OPCML: variants seen among roughly 807,000 people sequenced by gnomAD.
OPCML encodes opioid binding protein/cell adhesion molecule like.
OPCML carries 13 observed loss-of-function variants against 37.8 expected under a neutral mutation model. The ratio of observed to expected loss-of-function variants is 0.34; its 90% CI spans 0.22 to 0.55. The LOEUF is 0.55. Among genes scored for constraint, OPCML ranks in the 20% least tolerant of loss-of-function variants. OPCML has a pLI of 0.91. For synonymous variants in OPCML, 176 were observed against 168.8 expected (o/e 1.04, Z -0.33); for missense variants, 341 against 435.6 (o/e 0.78, Z 1.93).
chr11:133,322,301 T>A (rs562968824), intron 1 of OPCML, among the ~76,000 whole-genome samples: 1 of 152,334 alleles, frequency 6.6e-6, no homozygotes, highest in East Asian at 1.9e-4. Flanking sequence ...GACCTCAGTG[T>A]GAGATTAAAA....
intron 3 of OPCML, among the ~76,000 whole-genome samples, chr11:132,572,836 T>G (rs1268919338): frequency 6.6e-6 from 1 of 152,046 alleles, no homozygotes; most frequent in African/African-American, 2.4e-5. Context: ...TAGATTATTT[T>G]GGGTAGTATG....
intron 2 of OPCML, among the ~76,000 whole-genome samples, 186 bp downstream of exon 2, chr11:132,942,740 G>C (rs963309088): frequency 4.6e-5 from 7 of 152,206 alleles, no homozygotes; most frequent in African/African-American, 1.4e-4. Flanking sequence ...AGCATAGCCG[G>C]AGCACAGGAC....
chr11:132,430,028 C>T (rs1408727302), intron 7 of OPCML, among the ~76,000 whole-genome samples: 1 of 152,084 alleles, frequency 6.6e-6, no homozygotes, highest in Non-Finnish European at 1.5e-5. Context: ...GGCTCTGGCA[C>T]TGAGACGAGG....
chr11:132,854,097 C>T (rs1941940108), intron 2 of OPCML, among the ~76,000 whole-genome samples: 1 of 152,208 alleles, frequency 6.6e-6, no homozygotes, highest in African/African-American at 2.4e-5. Flanking sequence ...TAGGGAATTA[C>T]CACAATCCCC....
At chr11:132,476,655 A>C (rs923087048) in intron 4 of OPCML, among the ~76,000 whole-genome samples, 2 of 152,138 alleles carry the variant, frequency 1.3e-5, no homozygotes, top group Non-Finnish European at 2.9e-5. Flanking sequence ...ACTCATGGAC[A>C]CAGGAATGAG....
intron 1 of OPCML, among the ~76,000 whole-genome samples, chr11:133,287,539 G>GAAA (rs35418402): frequency 2.6e-5 from 3 of 115,078 alleles, no homozygotes; most frequent in African/African-American, 9.1e-5. Flanking sequence ...GGAATGTTCA[G>GAAA]AAAAAAAAAA....
At position 133,458,311 on chromosome 11, in the gene OPCML, T is replaced by A. The variant is rs1198404034; in HGVS notation, c.61+73953A>T. On this transcript the variant is annotated intron_variant, in intron 1 of 7. Coordinates refer to ENST00000524381, the MANE Select transcript of OPCML (RefSeq NM_001012393.5). ...ACACGTGTGTGTATATATATACACA[T>A]ATATACACGTGTGTGTATATATATA... 4.6e-4 allele frequency among the ~76,000 whole-genome samples: 16 copies of A among 35,138 alleles called. No homozygotes were observed. The African/African-American group carries it at 6.7e-3, about 15-fold the overall frequency. 23.1% of individuals were successfully genotyped at this position (35,138 alleles called of 152,430 possible).
intron 1 of OPCML, among the ~76,000 whole-genome samples, chr11:133,130,211 T>A: frequency 6.7e-6 from 1 of 149,268 alleles, no homozygotes; most frequent in African/African-American, 2.5e-5. Flanking sequence ...AAGAAGAAAA[T>A]ACTGAACTCA....
chr11:133,035,869 G>A (rs757661508), intron 1 of OPCML, among the ~76,000 whole-genome samples: 3 of 152,070 alleles, frequency 2.0e-5, no homozygotes, highest in Admixed American at 6.5e-5. Context: ...CACCATGGGC[G>A]CAGCGGCACA....
At chr11:132,639,740 C>G (rs1216814890) in intron 3 of OPCML, among the ~76,000 whole-genome samples, 1 of 152,122 alleles carries the variant, frequency 6.6e-6, no homozygotes, top group Non-Finnish European at 1.5e-5. Flanking sequence ...GATTAAGGAG[C>G]TGGTAAAAGA....
chr11:132,453,727 A>G (rs1006856255), intron 4 of OPCML, among the ~76,000 whole-genome samples: 3 of 152,234 alleles, frequency 2.0e-5, no homozygotes, highest in African/African-American at 7.2e-5. Flanking sequence ...ACAAAGAAAC[A>G]TAGCTCTGGC....
At chr11:132,554,895 T>C (rs2096391431) in intron 3 of OPCML, among the ~76,000 whole-genome samples, 1 of 130,110 alleles carries the variant, frequency 7.7e-6, no homozygotes, top group Non-Finnish European at 1.6e-5. Flanking sequence ...TTTTTTTCAT[T>C]AGCTCTATGG....
intron 1 of OPCML, chr11:133,003,922 G>A: frequency 1.0e-6 from 1 of 985,418 alleles, no homozygotes; most frequent in Non-Finnish European, 1.2e-6. Context: ...TGGGGCTTCT[G>A]GTCACACAGG....
At chr11:133,005,495 C>T in intron 1 of OPCML, 3 of 985,406 alleles carry the variant, frequency 3.0e-6, no homozygotes, top group Non-Finnish European at 3.6e-6. Flanking sequence ...TAGGGCAGGT[C>T]ATATTTGGTA....
chr11:132,823,371 C>T (rs1280192367), intron 2 of OPCML, among the ~76,000 whole-genome samples: 2 of 152,158 alleles, frequency 1.3e-5, no homozygotes, highest in Non-Finnish European at 2.9e-5. Flanking sequence ...TCCTCACACC[C>T]CTTCCTCCCA....
intron 4 of OPCML, among the ~76,000 whole-genome samples, chr11:132,494,465 G>A: frequency 6.6e-6 from 1 of 152,114 alleles, no homozygotes; most frequent in Non-Finnish European, 1.5e-5. Context: ...AAGAAAAACA[G>A]GGATTTCTTC....
intron 2 of OPCML, among the ~76,000 whole-genome samples, chr11:132,827,713 C>T (rs148312867): frequency 0.016 from 2,464 of 152,246 alleles, 28 homozygotes; most frequent in Middle Eastern, 0.037. Flanking sequence ...GATCTCAGAT[C>T]ACTGCAACCT....
At chr11:132,917,685 C>T (rs1241613774) in intron 2 of OPCML, among the ~76,000 whole-genome samples, 3 of 152,200 alleles carry the variant, frequency 2.0e-5, no homozygotes, top group Non-Finnish European at 4.4e-5. Flanking sequence ...CAAGGTCACC[C>T]TTCCCTGGTG....
At position 133,208,928 on chromosome 11, in the gene OPCML, G is replaced by T. The variant is rs577426367; in HGVS notation, c.62-265918C>A. Among the ~76,000 whole-genome samples the T allele has an allele frequency of 6.6e-6, 1 of 152,160 alleles. No homozygotes were observed. The highest frequency in any genetic ancestry group is 6.5e-5 in the Admixed American group (1 of 15,276). On this transcript the variant is annotated intron_variant, in intron 1 of 7. Coordinates refer to ENST00000524381, the MANE Select transcript of OPCML (RefSeq NM_001012393.5). The surrounding 1 kb of genome is among the most constrained non-coding windows in gnomAD (Gnocchi z 8.9). ...TAAGAACCAAACCAACCCACTCTTG[G>T]GAGAAGACATACTTACATGGAAACA...
Sources: gnomAD v4.1 joint callset for allele counts (sites outside exome capture counted in the v4.1 genomes callset) on GRCh38, gnomAD v4.1.1 for gene constraint, Gnocchi (gnomAD v3.1) non-coding constraint, MANE v1.5 for transcripts, NCBI Gene and HGNC (gene_info 2026-07-23, HGNC 2026-07-21) for gene names.